PTER: variants seen among roughly 807,000 people sequenced by gnomAD.
The protein encoded by PTER is N-acetyltaurine hydrolase.
PTER carries 38 observed loss-of-function variants against 29.6 expected under a neutral mutation model. The observed-to-expected ratio is 1.28, with a 90% CI of 0.99 to 1.68. The LOEUF (loss-of-function observed/expected upper bound fraction) is 1.68, where lower values mean the gene tolerates loss of function less well. Among genes scored for constraint, PTER ranks in the 40% most tolerant of loss-of-function variants. The pLI, the probability that PTER is intolerant of heterozygous loss-of-function variation, is 0.00. For synonymous variants in PTER, 172 were observed against 154.5 expected (o/e 1.11, Z -0.84); for missense variants, 482 against 427.8 (o/e 1.13, Z -1.12).
At chr10:16,488,882 G>T (rs1835797712) in intron 3 of PTER, among the ~76,000 whole-genome samples, 1 of 152,176 alleles carries the variant, frequency 6.6e-6, no homozygotes, top group Non-Finnish European at 1.5e-5. Context: ...GGGACTATAG[G>T]CATATGCCAT....
intron 4 of PTER, among the ~76,000 whole-genome samples, chr10:16,508,398 A>G (rs899506872): frequency 2.0e-5 from 3 of 152,104 alleles, no homozygotes; most frequent in African/African-American, 7.2e-5. Context: ...CATCTTGGAA[A>G]TGGGAACTTT....
intron 1 of PTER, among the ~76,000 whole-genome samples, chr10:16,483,865 A>G (rs572020909): frequency 1.1e-3 from 164 of 152,254 alleles, no homozygotes; most frequent in African/African-American, 3.9e-3. Flanking sequence ...AAGAAAAAAA[A>G]GGAGGAAAGA....
chr10:16,489,495 A>G (rs1220202362), intron 3 of PTER, among the ~76,000 whole-genome samples: 1 of 150,266 alleles, frequency 6.7e-6, no homozygotes, highest in Non-Finnish European at 1.5e-5. Context: ...TTGTTGTAAC[A>G]TCAGACATCT....
intron 1 of PTER, among the ~76,000 whole-genome samples, chr10:16,444,126 C>T (rs375666918): frequency 1.8e-4 from 27 of 151,942 alleles, no homozygotes; most frequent in African/African-American, 5.3e-4. Context: ...CTCAGCCTCC[C>T]GAGTAGCTGG....
At chr10:16,506,383 A>G (rs10904757) in intron 4 of PTER, among the ~76,000 whole-genome samples, 93,543 of 151,966 alleles carry the variant, frequency 0.62, 31,082 homozygotes, top group African/African-American at 0.86. Flanking sequence ...TTAAGAGCAA[A>G]AGCAGAGACA....
At chr10:16,476,064 C>G (rs970475865) in intron 1 of PTER, 3 of 152,080 alleles carry the variant, frequency 2.0e-5, no homozygotes, top group African/African-American at 7.2e-5. Flanking sequence ...GTTTAATAAT[C>G]ATAATCCTGA....
chr10:16,478,269 G>A (rs1835350088), intron 1 of PTER, among the ~76,000 whole-genome samples: 1 of 151,488 alleles, frequency 6.6e-6, no homozygotes, highest in Admixed American at 6.6e-5. Flanking sequence ...AGTGAGTAAT[G>A]TTGCACTTCG....
At chr10:16,482,366 A>C (rs913773865) in intron 1 of PTER, among the ~76,000 whole-genome samples, 1 of 152,094 alleles carries the variant, frequency 6.6e-6, no homozygotes, top group African/African-American at 2.4e-5. Context: ...CCCTCTCATC[A>C]GCCACTTTCT....
chr10:16,505,864 T>C (rs1836540823), intron 4 of PTER, among the ~76,000 whole-genome samples: 1 of 152,148 alleles, frequency 6.6e-6, no homozygotes, highest in African/African-American at 2.4e-5. Context: ...TAAGTGTTGC[T>C]ACCCAGTGAA....
At chr10:16,508,804 A>G (rs1836698463) in intron 4 of PTER, among the ~76,000 whole-genome samples, 1 of 152,184 alleles carries the variant, frequency 6.6e-6, no homozygotes, top group Non-Finnish European at 1.5e-5. Context: ...CATGTTAAGC[A>G]CTGAATGCCC....
At chr10:16,492,997 G>A (rs1360385071) in intron 3 of PTER, among the ~76,000 whole-genome samples, 1 of 152,136 alleles carries the variant, frequency 6.6e-6, no homozygotes, top group Non-Finnish European at 1.5e-5. Flanking sequence ...TTAATTAGAT[G>A]AAATAAGAGA....
intron 1 of PTER, chr10:16,475,953 C>T (rs1835244878): frequency 6.6e-6 from 1 of 152,192 alleles, no homozygotes; most frequent in African/African-American, 2.4e-5. Flanking sequence ...CAAGGATACT[C>T]AGCAAATATT....
At chr10:16,472,769 C>T (rs996644496) in intron 1 of PTER, among the ~76,000 whole-genome samples, 1 of 152,080 alleles carries the variant, frequency 6.6e-6, no homozygotes, top group African/African-American at 2.4e-5. Flanking sequence ...GAAATTTGAA[C>T]AGTTTTCTAT....
At chr10:16,446,518 C>G (rs913544015) in intron 1 of PTER, among the ~76,000 whole-genome samples, 1 of 152,072 alleles carries the variant, frequency 6.6e-6, no homozygotes, top group Non-Finnish European at 1.5e-5. Context: ...ATAGAGAGAT[C>G]AAACTATTTC....
chr10:16,513,004 A>C lies in PTER; in HGVS notation c.*1748A>C, dbSNP rs1390654343. The C allele has an allele frequency of 6.6e-6, 1 of 152,574 alleles. No individual in the cohort carries two copies. Among genetic ancestry groups the C allele is most frequent in the Admixed American group, 6.5e-5 (1 of 15,268 alleles). The allele number at this position is 152,574 out of a possible 1,614,324, so 9.5% of individuals were successfully genotyped here. ...CTGTCAGCTTCACTCCACCTGAGAA[A>C]AAAGAAAAAAAAATTGATAGCTCAA... On this transcript the variant is annotated 3_prime_UTR_variant, in exon 5 of 5. Transcript: ENST00000535784.
intron 1 of PTER, among the ~76,000 whole-genome samples, chr10:16,443,303 T>G (rs115218531): frequency 0.018 from 2,804 of 152,270 alleles, 94 homozygotes; most frequent in African/African-American, 0.064. Flanking sequence ...AGACCTACCC[T>G]AACAACCCCC....
intron 3 of PTER, among the ~76,000 whole-genome samples, chr10:16,493,519 C>T (rs1174770647): frequency 6.6e-6 from 1 of 152,080 alleles, no homozygotes; most frequent in Non-Finnish European, 1.5e-5. Context: ...ATCCTCCTGC[C>T]TTGGCCTCCC....
chr10:16,462,192 G>A (rs79720760), intron 1 of PTER, among the ~76,000 whole-genome samples: 7,081 of 152,076 alleles, frequency 0.047, 266 homozygotes, highest in East Asian at 0.17. Flanking sequence ...CCCCATGAAG[G>A]CCAGGCTGGT....
At chr10:16,449,509 C>T (rs1158957416) in intron 1 of PTER, among the ~76,000 whole-genome samples, 2 of 144,978 alleles carry the variant, frequency 1.4e-5, no homozygotes, top group Non-Finnish European at 3.0e-5. Flanking sequence ...AGTCTCGGCT[C>T]ACTGCAACCT....
Sources: gnomAD v4.1 joint callset for allele counts (sites outside exome capture counted in the v4.1 genomes callset) on GRCh38, gnomAD v4.1.1 for gene constraint, MANE v1.5 for transcripts, NCBI Gene and HGNC (gene_info 2026-07-23, HGNC 2026-07-21) for gene names.